The following AMPD3 variants were observed in gnomAD, a reference collection of about 807,000 sequenced individuals.
AMPD3 encodes adenosine monophosphate deaminase 3.
AMPD3 carries 57 observed loss-of-function variants against 82.3 expected under a neutral mutation model. The observed-to-expected ratio is 0.69, with a 90% confidence interval of 0.56 to 0.86. The LOEUF (loss-of-function observed/expected upper bound fraction) is 0.86. Ranked by LOEUF, AMPD3 falls within the 40% of genes least tolerant of loss-of-function variation. AMPD3 has a pLI of 0.00. For missense variants in AMPD3, 870 were observed against 1,003.8 expected (o/e 0.87, Z 1.80); for synonymous variants, 381 against 394.7 (o/e 0.97, Z 0.41).
chr11:10,455,415 G>C lies in AMPD3; in HGVS notation c.-39G>C. The C allele has an allele frequency of 1.0e-6, 1 of 985,468 alleles. No homozygotes were observed. Among genetic ancestry groups the C allele is most frequent in the Non-Finnish European group, 1.2e-6 (1 of 830,026 alleles). The allele number at this position is 985,468 out of a possible 1,614,324, so 61.0% of individuals were successfully genotyped here. A position where few individuals can be genotyped will look rare whatever the true frequency, so the allele number is the denominator to read the frequency against. On this transcript the variant is annotated 5_prime_UTR_variant, in exon 1 of 15. Transcript: ENST00000396553. ...AGTGGCAGAGTCCAGCCAGCGCTCG[G>C]AGCTGGAGGCCCACGTGGGAGCAGT...
In AMPD3 at chr11:10,461,729, G is replaced by T; in HGVS notation, c.210G>T (p.Glu70Asp). ...AGCTGGCAGAGCAGAAGTCTGTGGA[G>T]ACCGCAAAAAGGTTTGTTCCCAAGG... ...QKELAEQKSV[E>D]TAKRKKSFKM... The change falls in exon 2 of 15, where the codon GAG becomes GAT. Residue 70 changes from glutamate to aspartate, a missense_variant. Physicochemically the swap from Glu to Asp is conservative, Grantham distance 45. Transcript: ENST00000396553. 2 of 1,611,498 alleles carry T rather than the reference G, an allele frequency of 1.2e-6. No individual in the cohort carries two copies. The highest frequency in any genetic ancestry group is 2.2e-5 in the South Asian group (2 of 90,822).
intron 2 of AMPD3, among the ~76,000 whole-genome samples, chr11:10,474,041 C>T (rs2133864761): frequency 6.6e-6 from 1 of 152,270 alleles, no homozygotes; most frequent in Non-Finnish European, 1.5e-5. Context: ...CCCCATTGCT[C>T]CACTGCTCCC....
chr11:10,482,072 G>A lies in AMPD3; in HGVS notation c.436G>A (p.Glu146Lys), dbSNP rs1185153649. 1 of 1,614,182 alleles carries A rather than the reference G, an allele frequency of 6.2e-7. No individual in the cohort carries two copies. Among genetic ancestry groups the A allele is most frequent in the Admixed American group, 1.7e-5 (1 of 60,032 alleles). Residue 146 changes from glutamate (E) to lysine (K), a missense_variant, in exon 4 of 15, where the codon GAG becomes AAG. By Grantham distance (56) the Glu-to-Lys change is moderately conservative. Transcript: ENST00000396553. Reference protein sequence around the residue: ...SGDYCAGITLEDYEQAAKSLA... With the variant: ...SGDYCAGITLKDYEQAAKSLA... ...TGCCTCCCTTCTGCAGATCACTTTG[G>A]AGGACTATGAGCAGGCAGCCAAGAG...
chr11:10,498,951 C>T (rs899265719), intron 10 of AMPD3, among the ~76,000 whole-genome samples: 1 of 152,180 alleles, frequency 6.6e-6, no homozygotes, highest in African/African-American at 2.4e-5. Flanking sequence ...CAGGAGCAGC[C>T]CCCCAGGGGT....
At position 10,461,726 on chromosome 11, in the gene AMPD3, G is replaced by A. The variant is rs141052158; in HGVS notation, c.207G>A (p.Val69=). ...AGGAGCTGGCAGAGCAGAAGTCTGT[G>A]GAGACCGCAAAAAGGTTTGTTCCCA... The part of the protein sequence containing the change: ...LQKELAEQKS[V]ETAKRKKSFK... Residue 69 remains valine, a synonymous_variant, in exon 2 of 15, where the codon GTG becomes GTA. Coordinates refer to ENST00000396553, the MANE Select transcript of AMPD3 (RefSeq NM_001025389.2). 6.2e-7 allele frequency: 1 copy of A among 1,612,200 alleles called. No homozygotes were observed. The highest frequency in any genetic ancestry group is 8.5e-7 in the Non-Finnish European group (1 of 1,179,002).
At chr11:10,493,252 G>A in intron 6 of AMPD3, 97 bp from the exon 7 acceptor site, 2 of 1,416,988 alleles carry the variant, frequency 1.4e-6, no homozygotes, top group African/African-American at 1.4e-5. Flanking sequence ...TGGCCCATGA[G>A]GTGCTGGGGT....
chr11:10,482,943 G>T (rs560075389), intron 4 of AMPD3, among the ~76,000 whole-genome samples: 1 of 152,312 alleles, frequency 6.6e-6, no homozygotes, highest in South Asian at 2.1e-4. Flanking sequence ...GTAGGCTCTG[G>T]TGTCAAACAC....
intron 2 of AMPD3, among the ~76,000 whole-genome samples, chr11:10,474,205 C>T (rs1382734967): frequency 6.6e-6 from 1 of 152,188 alleles, no homozygotes; most frequent in East Asian, 1.9e-4. Context: ...ATCTTATCTA[C>T]TCCTCTACAC....
intron 3 of AMPD3, among the ~76,000 whole-genome samples, chr11:10,478,937 G>A (rs1458571031): frequency 6.9e-6 from 1 of 145,962 alleles, no homozygotes; most frequent in African/African-American, 2.5e-5. Context: ...TTCCCCGTGA[G>A]GAGGGTCCCG....
chr11:10,490,210 C>T (rs1849202566), intron 6 of AMPD3, among the ~76,000 whole-genome samples: 1 of 152,184 alleles, frequency 6.6e-6, no homozygotes, highest in African/African-American at 2.4e-5. Flanking sequence ...ACCCCGAGGC[C>T]CAGCCAGCAG....
upstream of AMPD3, among the ~76,000 whole-genome samples, chr11:10,453,624 G>A (rs556367840): frequency 4.0e-5 from 6 of 150,320 alleles, no homozygotes; most frequent in South Asian, 4.2e-4. Flanking sequence ...TTGCTCTGTC[G>A]CCAGGCTGGA....
At chr11:10,479,460 A>G (rs1848840208) in intron 3 of AMPD3, among the ~76,000 whole-genome samples, 1 of 152,242 alleles carries the variant, frequency 6.6e-6, no homozygotes. Context: ...TGAGAAAGCA[A>G]TGCAGCTTAT....
At chr11:10,489,798 A>T (rs1210803693) in intron 6 of AMPD3, among the ~76,000 whole-genome samples, 1 of 151,916 alleles carries the variant, frequency 6.6e-6, no homozygotes, top group Non-Finnish European at 1.5e-5. Context: ...CTCCTGCCTC[A>T]GCCTCCCGAG....
At chr11:10,486,462 C>T (rs1849073389) in intron 5 of AMPD3, 1 of 721,926 alleles carries the variant, frequency 1.4e-6, no homozygotes, top group Non-Finnish European at 1.7e-6. Context: ...CAGTTGGCCA[C>T]AGCAGTGAGC....
chr11:10,478,542 A>G lies in AMPD3; in HGVS notation c.238A>G (p.Met80Val), dbSNP rs766977576. Residue 80 changes from methionine to valine, a missense_variant, in exon 3 of 15, where the codon ATG (methionine) becomes GTG (valine). By Grantham distance (21) the Met-to-Val change is conservative. Transcript: ENST00000396553. ...GGCTCTTAGAAAGAAAAGTTTCAAG[A>G]TGATTCGGTCCCAGTCCCTGTCTCT... Reference protein sequence around the residue: ...ETAKRKKSFKMIRSQSLSLQM... With the variant: ...ETAKRKKSFKVIRSQSLSLQM... The G allele has an allele frequency of 6.2e-7, 1 of 1,614,122 alleles. No homozygotes were observed. The highest frequency in any genetic ancestry group is 1.7e-5 in the Admixed American group (1 of 60,022).
chr11:10,478,719 T>A lies in AMPD3; in HGVS notation c.415T>A (p.Tyr139Asn). Residue 139 changes from tyrosine to asparagine, a missense_variant, in exon 3 of 15, where the codon TAC becomes AAC. By Grantham distance (143) the Tyr-to-Asn change is moderately radical (BLOSUM62 -2). Coordinates refer to ENST00000396553, the MANE Select transcript of AMPD3 (RefSeq NM_001025389.2). ...CCAGCGGGTCACCATCAGCGGAGAT[T>A]ACTGTGCCGGGGTAAGGCGTCTGTG... is the stretch of plus-strand genomic sequence containing the variant. Reference protein sequence around the residue: ...EFQRVTISGDYCAGITLEDYE... With the variant: ...EFQRVTISGDNCAGITLEDYE... The A allele has an allele frequency of 6.2e-7, 1 of 1,612,910 alleles. No individual in the cohort carries two copies. Among genetic ancestry groups the A allele is most frequent in the Non-Finnish European group, 8.5e-7 (1 of 1,180,026 alleles).
intron 2 of AMPD3, chr11:10,473,689 GC>G: frequency 1.2e-6 from 1 of 800,174 alleles, no homozygotes; most frequent in Non-Finnish European, 1.5e-6. Context: ...CCATCGTGCA[GC>G]ATATTTCTCC....
At chr11:10,475,990 C>T (rs535663723) in intron 2 of AMPD3, among the ~76,000 whole-genome samples, 1 of 152,312 alleles carries the variant, frequency 6.6e-6, no homozygotes, top group Non-Finnish European at 1.5e-5. Flanking sequence ...ATACCCTGAG[C>T]ATAGAGCCCA....
intron 2 of AMPD3, among the ~76,000 whole-genome samples, chr11:10,466,527 G>A (rs1252803178): frequency 6.6e-6 from 1 of 152,196 alleles, no homozygotes; most frequent in Non-Finnish European, 1.5e-5. Flanking sequence ...CTGAAAAAAA[G>A]GCAGCAGCCC....
Sources: allele counts gnomAD v4.1 joint callset (sites outside exome capture counted in the v4.1 genomes callset), GRCh38; gene constraint gnomAD v4.1.1; transcripts MANE v1.5; gene names NCBI Gene and HGNC (gene_info 2026-07-23, HGNC 2026-07-21).